Variants in ASPH observed in about 807,000 individuals in gnomAD.
The protein encoded by ASPH is aspartyl/asparaginyl beta-hydroxylase.
Under a neutral mutation model 118.4 loss-of-function variants are expected in ASPH, and 100 were observed. The observed-to-expected ratio is 0.84, with a 90% CI of 0.72 to 1.00. The LOEUF is 1.00. Among genes scored for constraint, ASPH ranks in the 50% least tolerant of loss-of-function variants. The pLI is 0.00. For missense variants in ASPH, 920 were observed against 919.5 expected (o/e 1.00, Z -0.01); for synonymous variants, 315 against 325.6 (o/e 0.97, Z 0.35).
intron 14 of ASPH, among the ~76,000 whole-genome samples, chr8:61,607,633 A>C (rs941588783): frequency 1.1e-4 from 17 of 152,178 alleles, no homozygotes; most frequent in Admixed American, 3.3e-4. Flanking sequence ...GGAAAAAAAA[A>C]AACAACATTC....
At chr8:61,710,632 C>T (rs1837843278) in intron 1 of ASPH, among the ~76,000 whole-genome samples, 1 of 152,172 alleles carries the variant, frequency 6.6e-6, no homozygotes, top group Admixed American at 6.5e-5. Flanking sequence ...TGCTGTTGAA[C>T]TGAACACAAA....
intron 5 of ASPH, among the ~76,000 whole-genome samples, chr8:61,647,317 A>G (rs1240521298): frequency 6.6e-6 from 1 of 152,216 alleles, no homozygotes; most frequent in African/African-American, 2.4e-5. Context: ...AATTCCAGGT[A>G]ACAACTTTAA....
At chr8:61,569,990 A>AG (rs111233810) in intron 16 of ASPH, among the ~76,000 whole-genome samples, 29,574 of 152,106 alleles carry the variant, frequency 0.19, 4,807 homozygotes, top group African/African-American at 0.43. Flanking sequence ...ATAACTTTGC[A>AG]AAACACAGAG....
chr8:61,688,869 A>C (rs1052678947), intron 1 of ASPH, among the ~76,000 whole-genome samples: 3 of 152,214 alleles, frequency 2.0e-5, no homozygotes, highest in African/African-American at 7.2e-5. Context: ...GAAGCACTTT[A>C]TCAGACGAGT....
Position 61,540,918 on chromosome 8 carries a change from C to T in ASPH, c.1764+7153G>A, listed in dbSNP as rs755889720. On this transcript the variant is annotated intron_variant, in intron 21 of 24. Coordinates refer to ENST00000379454, the MANE Select transcript of ASPH (RefSeq NM_004318.4). ...AACCAGCCTGGGCATCATGGTGAAA[C>T]GCCATCTTTATAATTTTAAAAATAA... is the stretch of plus-strand genomic sequence containing the variant. 1.6e-4 allele frequency among the ~76,000 whole-genome samples: 24 copies of T among 151,496 alleles called. No homozygotes were observed. The East Asian group carries it at 1.7e-3, about 11-fold the overall frequency.
intron 24 of ASPH, among the ~76,000 whole-genome samples, chr8:61,510,588 T>C (rs1005822804): frequency 1.3e-5 from 2 of 152,232 alleles, no homozygotes; most frequent in Admixed American, 1.3e-4. Context: ...ATTTTCCATA[T>C]GGGAAATGCC....
At chr8:61,570,189 C>T (rs1833046735) in intron 16 of ASPH, among the ~76,000 whole-genome samples, 1 of 152,104 alleles carries the variant, frequency 6.6e-6, no homozygotes, top group Non-Finnish European at 1.5e-5. Context: ...TACATTTGTG[C>T]AAAATTACCT....
At chr8:61,661,314 A>G (rs1247802108) in intron 3 of ASPH, 1 of 152,204 alleles carries the variant, frequency 6.6e-6, no homozygotes, top group African/African-American at 2.4e-5. Flanking sequence ...TTGGTTGAGT[A>G]TTACTATTCT....
intron 3 of ASPH, among the ~76,000 whole-genome samples, chr8:61,654,655 G>C (rs9283975): frequency 0.82 from 124,237 of 152,148 alleles, 50,812 homozygotes; most frequent in Non-Finnish European, 0.84. Flanking sequence ...TTTCTTTTAT[G>C]GACAAAAACA....
chr8:61,518,797 G>A (rs112662978), intron 22 of ASPH, among the ~76,000 whole-genome samples: 1,646 of 152,236 alleles, frequency 0.011, 30 homozygotes, highest in African/African-American at 0.037. Flanking sequence ...ACTTTTTCTT[G>A]TAGGGTCATG....
rs1017191386 is a variant in ASPH at position 61,613,369 on chromosome 8, G to A, written c.976+5609C>T. 3.9e-5 allele frequency among the ~76,000 whole-genome samples: 6 copies of A among 152,126 alleles called. No homozygotes were observed. In the East Asian group the frequency reaches 7.7e-4, roughly 20 times the overall value. ...TGGACTGGCCAGCCTCTACAATCAC[G>A]TAAGCCAATTCCTTAAAATAAATCT... is the stretch of plus-strand genomic sequence containing the variant. On this transcript the variant is annotated intron_variant, in intron 14 of 24. Coordinates refer to ENST00000379454, the MANE Select transcript of ASPH (RefSeq NM_004318.4).
At position 61,502,350 on chromosome 8, in the gene ASPH, A is replaced by T. The variant is rs1805081203; in HGVS notation, c.*1009T>A. ...ATCCTTAATCTTTCTACAGAATTGT[A>T]GCAGAAATCATCTCCAAGACTGAAG... On this transcript the variant is annotated 3_prime_UTR_variant, in exon 25 of 25. Transcript: ENST00000379454. The T allele has an allele frequency of 6.6e-6, 1 of 152,200 alleles. No individual in the cohort carries two copies. Among genetic ancestry groups the T allele is most frequent in the Non-Finnish European group, 1.5e-5 (1 of 68,036 alleles). The allele number at this position is 152,200 out of a possible 1,614,324, so 9.4% of individuals were successfully genotyped here.
At chr8:61,610,048 A>T (rs926358257) in intron 14 of ASPH, among the ~76,000 whole-genome samples, 22 of 152,218 alleles carry the variant, frequency 1.4e-4, no homozygotes, top group African/African-American at 5.1e-4. Flanking sequence ...CATTAAAAAA[A>T]TTACAATCTT....
intron 3 of ASPH, chr8:61,665,378 T>G: frequency 6.2e-7 from 1 of 1,613,866 alleles, no homozygotes; most frequent in South Asian, 1.1e-5. Context: ...ATTTGTTGAT[T>G]TTTTCCTATT....
At chr8:61,640,225 G>A (rs898185616) in intron 10 of ASPH, among the ~76,000 whole-genome samples, 5 of 152,116 alleles carry the variant, frequency 3.3e-5, no homozygotes, top group African/African-American at 4.8e-5. Context: ...TGTGATGCAC[G>A]GAAAGACCCA....
intron 18 of ASPH, among the ~76,000 whole-genome samples, chr8:61,562,410 T>C (rs1830315051): frequency 6.7e-6 from 1 of 150,306 alleles, no homozygotes; most frequent in African/African-American, 2.5e-5. Flanking sequence ...TGTGTGTGTG[T>C]GTGTGTGTAA....
chr8:61,527,361 G>A (rs952057152), intron 21 of ASPH, among the ~76,000 whole-genome samples: 2 of 152,196 alleles, frequency 1.3e-5, no homozygotes, highest in Non-Finnish European at 2.9e-5. Context: ...TTCCACATAA[G>A]AAGGTGATAT....
chr8:61,707,872 G>A (rs1463875644), intron 1 of ASPH, among the ~76,000 whole-genome samples: 1 of 152,076 alleles, frequency 6.6e-6, no homozygotes, highest in Non-Finnish European at 1.5e-5. Flanking sequence ...GTGTGTGTGT[G>A]TATAGGTATA....
intron 1 of ASPH, among the ~76,000 whole-genome samples, chr8:61,689,142 G>A (rs555108107): frequency 3.9e-5 from 6 of 152,166 alleles, no homozygotes; most frequent in African/African-American, 1.4e-4. Flanking sequence ...CATAGTTAAA[G>A]AATACTTCAA....
Sources: allele counts gnomAD v4.1 joint callset (sites outside exome capture counted in the v4.1 genomes callset), GRCh38; gene constraint gnomAD v4.1.1; transcripts MANE v1.5; gene names NCBI Gene and HGNC (gene_info 2026-07-23, HGNC 2026-07-21).